Variants in CDH13 observed in about 807,000 individuals in gnomAD.
The protein encoded by CDH13 is cadherin-13.
In CDH13, 24 loss-of-function variants were observed where a neutral mutation model predicts 63.8. The ratio of observed to expected loss-of-function variants is 0.38; its 90% CI spans 0.27 to 0.53. The LOEUF is 0.53. Among genes scored for constraint, CDH13 ranks in the 20% least tolerant of loss-of-function variants. The pLI, the probability that CDH13 is intolerant of heterozygous loss-of-function variation, is 0.85. For missense variants in CDH13, 1,049 were observed against 903.1 expected (o/e 1.16, Z -2.07); for synonymous variants, 503 against 355.3 (o/e 1.42, Z -4.67).
At chr16:83,625,101 T>C (rs1910168410) in intron 8 of CDH13, among the ~76,000 whole-genome samples, 2 of 152,124 alleles carry the variant, frequency 1.3e-5, no homozygotes, top group Admixed American at 1.3e-4. Context: ...CATTAAACAT[T>C]TACCAGCACA....
At chr16:82,853,698 A>G (rs182395737) in intron 1 of CDH13, among the ~76,000 whole-genome samples, 4 of 152,224 alleles carry the variant, frequency 2.6e-5, no homozygotes, top group Non-Finnish European at 5.9e-5. Context: ...TCTTTTGTTA[A>G]TCATAGAATT....
intron 2 of CDH13, among the ~76,000 whole-genome samples, chr16:82,907,869 A>C (rs116855490): frequency 6.6e-6 from 1 of 152,168 alleles, no homozygotes; most frequent in African/African-American, 2.4e-5. Context: ...TAGAGATAGT[A>C]TGTCTTTGAA....
chr16:82,678,476 C>G (rs974544315), intron 1 of CDH13, among the ~76,000 whole-genome samples: 6 of 152,106 alleles, frequency 3.9e-5, no homozygotes, highest in Non-Finnish European at 7.4e-5. Context: ...TGTTTACCTT[C>G]TTATCTCTGG....
intron 2 of CDH13, among the ~76,000 whole-genome samples, chr16:83,016,219 C>T (rs1914779939): frequency 6.6e-6 from 1 of 152,162 alleles, no homozygotes; most frequent in African/African-American, 2.4e-5. Context: ...CACGTATGCA[C>T]ACAAGAATTA....
chr16:83,042,491 TG>T (rs1917413295), intron 3 of CDH13, among the ~76,000 whole-genome samples: 1 of 152,144 alleles, frequency 6.6e-6, no homozygotes, highest in Non-Finnish European at 1.5e-5. Context: ...AGGGCTCCCA[TG>T]GATTCTACAT....
intron 1 of CDH13, among the ~76,000 whole-genome samples, chr16:82,643,970 G>C (rs148813640): frequency 6.6e-5 from 10 of 151,936 alleles, no homozygotes; most frequent in African/African-American, 2.4e-4. Flanking sequence ...TGCTGGTCTC[G>C]AACTCCTGGC....
At chr16:83,688,497 A>T (rs1163806433) in intron 10 of CDH13, among the ~76,000 whole-genome samples, 1 of 152,218 alleles carries the variant, frequency 6.6e-6, no homozygotes, top group African/African-American at 2.4e-5. Flanking sequence ...TAACATTTCT[A>T]CCTGGGGAAA....
chr16:83,532,549 C>G (rs373807417), intron 7 of CDH13, among the ~76,000 whole-genome samples: 1 of 152,220 alleles, frequency 6.6e-6, no homozygotes, highest in South Asian at 2.1e-4. Context: ...CCTAGCTCAG[C>G]GCTAGTGCAT....
At chr16:82,950,328 A>AT (rs201964809) in intron 2 of CDH13, among the ~76,000 whole-genome samples, 24 of 151,680 alleles carry the variant, frequency 1.6e-4, no homozygotes, top group African/African-American at 3.9e-4. Context: ...CAAATCTCCC[A>AT]TTTTTTTTGG....
At chr16:83,755,490 CACACCTCAA>C (rs200025496) in intron 11 of CDH13, among the ~76,000 whole-genome samples, 4,925 of 152,138 alleles carry the variant, frequency 0.032, 113 homozygotes, top group East Asian at 0.085. Context: ...TGAAGAAAAA[CACACCTCAA>C]ACACTGAAAT....
intron 1 of CDH13, among the ~76,000 whole-genome samples, chr16:82,724,974 G>C (rs1232909202): frequency 2.0e-5 from 3 of 152,220 alleles, no homozygotes; most frequent in African/African-American, 4.8e-5. Flanking sequence ...GATTAAATAA[G>C]ATGGCTTCTT....
intron 4 of CDH13, among the ~76,000 whole-genome samples, chr16:83,204,088 C>G (rs533475826): frequency 6.6e-6 from 1 of 152,320 alleles, no homozygotes; most frequent in African/African-American, 2.4e-5. Context: ...GATGAATGTT[C>G]CTGGGCCATG....
intron 3 of CDH13, among the ~76,000 whole-genome samples, chr16:83,107,016 C>CCA (rs978607086): frequency 1.3e-5 from 2 of 152,076 alleles, no homozygotes; most frequent in African/African-American, 4.8e-5. Flanking sequence ...CATGCACACC[C>CCA]CACACACAGA....
At chr16:83,502,646 T>C (rs1050205591) in intron 7 of CDH13, among the ~76,000 whole-genome samples, 2 of 152,172 alleles carry the variant, frequency 1.3e-5, no homozygotes, top group African/African-American at 4.8e-5. Flanking sequence ...AGAGACGATG[T>C]GTGAAATACA....
chr16:83,215,709 G>C (rs77170335), intron 4 of CDH13, among the ~76,000 whole-genome samples: 2,439 of 152,150 alleles, frequency 0.016, 61 homozygotes, highest in African/African-American at 0.056. Context: ...TCCTGTCTTA[G>C]CCACCTAAAC....
At chr16:82,630,003 C>T (rs1907813684) in intron 1 of CDH13, among the ~76,000 whole-genome samples, 1 of 152,144 alleles carries the variant, frequency 6.6e-6, no homozygotes, top group Admixed American at 6.5e-5. Flanking sequence ...GCTTGGAGGA[C>T]AGTCGCTTGG....
At chr16:83,233,483 A>G (rs2040059644) in intron 5 of CDH13, among the ~76,000 whole-genome samples, 2 of 152,184 alleles carry the variant, frequency 1.3e-5, no homozygotes, top group African/African-American at 4.8e-5. Flanking sequence ...TTTATCTTAC[A>G]GTTGTTTAGG....
intron 6 of CDH13, among the ~76,000 whole-genome samples, chr16:83,447,583 G>A (rs1407476945): frequency 6.6e-6 from 1 of 152,006 alleles, no homozygotes; most frequent in Non-Finnish European, 1.5e-5. Context: ...CAGATCTTTA[G>A]CAAGATGAGT....
chr16:83,553,054 G>A (rs2075537346), intron 7 of CDH13, among the ~76,000 whole-genome samples: 1 of 148,732 alleles, frequency 6.7e-6, no homozygotes, highest in Admixed American at 6.7e-5. Flanking sequence ...ACCGTAGCCT[G>A]GGCGACAGAG....
Sources: allele counts gnomAD v4.1 joint callset (sites outside exome capture counted in the v4.1 genomes callset), GRCh38; gene constraint gnomAD v4.1.1; transcripts MANE v1.5; gene names NCBI Gene and HGNC (gene_info 2026-07-23, HGNC 2026-07-21).